ETS1: variants seen among roughly 807,000 people sequenced by gnomAD.
The protein encoded by ETS1 is protein C-ets-1.
In ETS1, 15 loss-of-function variants were observed where a neutral mutation model predicts 58.6. The observed-to-expected ratio is 0.26, with a 90% CI of 0.17 to 0.39. ETS1 has a LOEUF of 0.39. Ranked by LOEUF, ETS1 falls within the 10% of genes least tolerant of loss-of-function variation. The pLI is 1.00. For missense variants in ETS1, 417 were observed against 610.5 expected (o/e 0.68, Z 3.34); for synonymous variants, 214 against 218.2 (o/e 0.98, Z 0.17).
intron 3 of ETS1, chr11:128,526,894 G>A (rs1295748108): frequency 2.2e-6 from 1 of 456,146 alleles, no homozygotes; most frequent in Non-Finnish European, 4.4e-6. Context: ...TACCAGAGGT[G>A]AAAAATGAGT....
At chr11:128,473,691 G>T (rs1419854778) in intron 8 of ETS1, among the ~76,000 whole-genome samples, 1 of 152,168 alleles carries the variant, frequency 6.6e-6, no homozygotes, top group Admixed American at 6.5e-5. Context: ...CAACCTGCAG[G>T]CATCACATGC....
chr11:128,522,306 A>T, intron 3 of ETS1: 1 of 1,069,166 alleles, frequency 9.4e-7, no homozygotes, highest in Non-Finnish European at 1.1e-6. Context: ...TTCGCTCTCG[A>T]TCTCCCGGCC....
chr11:128,510,316 T>A lies in ETS1; in HGVS notation c.215-19740A>T, dbSNP rs1863358828. ...AAAGGCAGCTCACTCACTAGGAGCA[T>A]CCTTCTTGGAGAAGAATACAAAGAT... On this transcript the variant is annotated intron_variant, in intron 3 of 9. Coordinates refer to ENST00000392668, the MANE Select transcript of ETS1 (RefSeq NM_001143820.2). Among the ~76,000 whole-genome samples the A allele has an allele frequency of 2.0e-5, 3 of 152,240 alleles. No homozygotes were observed. In the South Asian group the frequency reaches 6.2e-4, roughly 31 times the overall value.
intron 3 of ETS1, among the ~76,000 whole-genome samples, chr11:128,530,927 G>A (rs1863887478): frequency 1.3e-5 from 2 of 152,180 alleles, no homozygotes; most frequent in Admixed American, 1.3e-4. Flanking sequence ...TCCACTTTTA[G>A]TGAGCTAATG....
chr11:128,573,218 C>T (rs929597492), intron 1 of ETS1, 74 bp from the exon 2 acceptor site: 70 of 1,072,780 alleles, frequency 6.5e-5, no homozygotes, highest in South Asian at 2.0e-4. Context: ...AAGGAAGACA[C>T]GAACCTTAGA....
At chr11:128,479,083 A>G (rs10790956) in intron 8 of ETS1, among the ~76,000 whole-genome samples, 92,800 of 152,134 alleles carry the variant, frequency 0.61, 29,644 homozygotes, top group African/African-American at 0.81. Context: ...TCTTTGAAGG[A>G]GGAGTAAGTT....
rs1003180381 is a variant in ETS1 at position 128,460,109 on chromosome 11, C to A, written c.*2252G>T. On this transcript the variant is annotated 3_prime_UTR_variant, in exon 10 of 10. Coordinates refer to ENST00000392668, the MANE Select transcript of ETS1 (RefSeq NM_001143820.2). Reference sequence around the variant, plus strand: ...ACACACACACACACACACACACACACACACACAACATTCACACACATGCAC... The same window carrying A: ...ACACACACACACACACACACACACAAACACACAACATTCACACACATGCAC... 2 of 150,790 alleles carry A rather than the reference C, an allele frequency of 1.3e-5. No individual in the cohort carries two copies. The highest frequency in any genetic ancestry group is 2.2e-4 in the South Asian group (1 of 4,620). 9.3% of individuals were successfully genotyped at this position (150,790 alleles called of 1,614,324 possible). A position where few individuals can be genotyped will look rare whatever the true frequency, so the allele number is the denominator to read the frequency against.
At chr11:128,578,986 T>C (rs1242252309) in intron 1 of ETS1, among the ~76,000 whole-genome samples, 1 of 152,238 alleles carries the variant, frequency 6.6e-6, no homozygotes, top group African/African-American at 2.4e-5. Flanking sequence ...AAAGAAAATA[T>C]GCATTCCATA....
chr11:128,537,903 A>G (rs1374708024), intron 3 of ETS1, among the ~76,000 whole-genome samples: 1 of 152,224 alleles, frequency 6.6e-6, no homozygotes. Flanking sequence ...AGAAGTAATG[A>G]GATGGGGAAG....
At chr11:128,469,502 G>C (rs1862127655) in intron 8 of ETS1, among the ~76,000 whole-genome samples, 1 of 152,192 alleles carries the variant, frequency 6.6e-6, no homozygotes, top group Non-Finnish European at 1.5e-5. Context: ...CTCTGAGGGT[G>C]GGGTGGGTGA....
Position 128,471,669 on chromosome 11 carries a change from T to G in ETS1, c.1124-8042A>C, listed in dbSNP as rs1286150196. Among the ~76,000 whole-genome samples the G allele has an allele frequency of 5.9e-5, 9 of 152,158 alleles. No individual in the cohort carries two copies. In the East Asian group the frequency reaches 1.7e-3, roughly 29 times the overall value. On this transcript the variant is annotated intron_variant, in intron 8 of 9. Coordinates refer to ENST00000392668, the MANE Select transcript of ETS1 (RefSeq NM_001143820.2). ...CACCAGAGATGGGTTAGGTTTGGAT[T>G]TGGGGGAAGGGGATAAGAATTTTGT...
intron 3 of ETS1, chr11:128,521,797 C>T (rs1490685119): frequency 2.7e-6 from 2 of 751,614 alleles, no homozygotes; most frequent in Non-Finnish European, 4.2e-6. Flanking sequence ...AACAGCATCC[C>T]CCGCTCCTGA....
chr11:128,494,721 C>T (rs1221722004), intron 3 of ETS1, among the ~76,000 whole-genome samples: 8 of 152,184 alleles, frequency 5.3e-5, no homozygotes, highest in Admixed American at 5.2e-4. Context: ...AATCTAAACA[C>T]TAGGTGGCTT....
chr11:128,475,556 C>CTTTTTTTT (rs35049593), intron 8 of ETS1, among the ~76,000 whole-genome samples: 6 of 109,408 alleles, frequency 5.5e-5, no homozygotes, highest in Admixed American at 1.1e-4. Context: ...ATGCACAGGG[C>CTTTTTTTT]TTTTTTTTTT....
At chr11:128,523,233 A>C (rs1364399800) in intron 3 of ETS1, among the ~76,000 whole-genome samples, 1 of 152,258 alleles carries the variant, frequency 6.6e-6, no homozygotes, top group African/African-American at 2.4e-5. Flanking sequence ...CATCATTGGC[A>C]GCCATGACAG....
At chr11:128,472,918 C>T (rs748978732) in intron 8 of ETS1, among the ~76,000 whole-genome samples, 2 of 152,050 alleles carry the variant, frequency 1.3e-5, no homozygotes, top group African/African-American at 4.8e-5. Flanking sequence ...ACCTGCTTTC[C>T]GGCACACTCA....
At chr11:128,566,663 G>A (rs980594465) in intron 2 of ETS1, among the ~76,000 whole-genome samples, 1 of 151,848 alleles carries the variant, frequency 6.6e-6, no homozygotes, top group Non-Finnish European at 1.5e-5. Context: ...GGCGCCTGTA[G>A]TCCCAGCTAC....
chr11:128,548,330 G>T (rs1591655395), intron 3 of ETS1, among the ~76,000 whole-genome samples: 1 of 144,888 alleles, frequency 6.9e-6, no homozygotes, highest in Non-Finnish European at 1.5e-5. Flanking sequence ...CATTCAATAC[G>T]TTTTTTTTTT....
intron 7 of ETS1, among the ~76,000 whole-genome samples, chr11:128,482,164 C>A (rs764226289): frequency 1.3e-5 from 2 of 152,164 alleles, no homozygotes; most frequent in Non-Finnish European, 2.9e-5. Flanking sequence ...ATCTTTTTCA[C>A]CTTTTTAGAG....
Sources: gnomAD v4.1 joint callset for allele counts (sites outside exome capture counted in the v4.1 genomes callset) on GRCh38, gnomAD v4.1.1 for gene constraint, MANE v1.5 for transcripts, NCBI Gene and HGNC (gene_info 2026-07-23, HGNC 2026-07-21) for gene names.